ARHGAP15: variants seen among roughly 807,000 people sequenced by gnomAD.
ARHGAP15 encodes Rho GTPase activating protein 15.
ARHGAP15 carries 51 observed loss-of-function variants against 63.7 expected under a neutral mutation model. That is an observed-to-expected ratio of 0.80 (90% CI 0.64 to 1.01). ARHGAP15 has a LOEUF of 1.01. Among genes scored for constraint, ARHGAP15 ranks in the 50% least tolerant of loss-of-function variants. The pLI is 0.00. For missense variants in ARHGAP15, 560 were observed against 564.6 expected (o/e 0.99, Z 0.08); for synonymous variants, 191 against 193.8 (o/e 0.99, Z 0.12).
At chr2:143,343,869 T>A (rs1685162549) in intron 6 of ARHGAP15, among the ~76,000 whole-genome samples, 1 of 152,122 alleles carries the variant, frequency 6.6e-6, no homozygotes, top group South Asian at 2.1e-4. Flanking sequence ...AATCTTTAAC[T>A]GTCTTAAACA....
At chr2:143,208,184 G>A (rs920363026) in intron 3 of ARHGAP15, among the ~76,000 whole-genome samples, 1 of 152,002 alleles carries the variant, frequency 6.6e-6, no homozygotes, top group African/African-American at 2.4e-5. Context: ...TAAAATGTTG[G>A]GATATATAAA....
chr2:143,260,951 T>A (rs1352937106), intron 6 of ARHGAP15, among the ~76,000 whole-genome samples: 2 of 152,142 alleles, frequency 1.3e-5, no homozygotes, highest in East Asian at 3.9e-4. Context: ...TATATCCCTG[T>A]CTCTTTCATC....
At chr2:143,662,913 T>C (rs2105328137) in intron 12 of ARHGAP15, among the ~76,000 whole-genome samples, 2 of 144,820 alleles carry the variant, frequency 1.4e-5, no homozygotes, top group Middle Eastern at 3.5e-3. Flanking sequence ...TATGGGACTA[T>C]GTGAAAAGAC....
chr2:143,643,271 T>C (rs758101503), intron 12 of ARHGAP15, among the ~76,000 whole-genome samples: 28 of 152,052 alleles, frequency 1.8e-4, no homozygotes, highest in South Asian at 4.1e-4. Context: ...AAATATAACC[T>C]TGGGCAAGTG....
At chr2:143,222,238 C>T (rs1035249615) in intron 4 of ARHGAP15, among the ~76,000 whole-genome samples, 5 of 152,140 alleles carry the variant, frequency 3.3e-5, no homozygotes, top group African/African-American at 4.8e-5. Context: ...AGTGATTTTG[C>T]GGTAAATCAA....
chr2:143,548,351 T>C (rs1326463872), intron 10 of ARHGAP15, among the ~76,000 whole-genome samples: 1 of 152,084 alleles, frequency 6.6e-6, no homozygotes, highest in Non-Finnish European at 1.5e-5. Flanking sequence ...CTTCTTAGTA[T>C]ATATGTATAT....
At chr2:143,603,378 C>T (rs1240595788) in intron 11 of ARHGAP15, among the ~76,000 whole-genome samples, 1 of 152,140 alleles carries the variant, frequency 6.6e-6, no homozygotes, top group Non-Finnish European at 1.5e-5. Context: ...TGTTGTCATG[C>T]TCGTGGGAAG....
chr2:143,174,583 T>C (rs1690936157), intron 2 of ARHGAP15, among the ~76,000 whole-genome samples: 1 of 152,182 alleles, frequency 6.6e-6, no homozygotes, highest in Non-Finnish European at 1.5e-5. Flanking sequence ...TGTGTGCCTA[T>C]AGGTTATTTC....
At chr2:143,162,714 A>T (rs1197082115) in intron 2 of ARHGAP15, among the ~76,000 whole-genome samples, 2 of 152,066 alleles carry the variant, frequency 1.3e-5, no homozygotes, top group Non-Finnish European at 2.9e-5. Flanking sequence ...AATTCTTATA[A>T]TACTCTTCAC....
intron 13 of ARHGAP15, among the ~76,000 whole-genome samples, chr2:143,742,524 C>T (rs1294738197): frequency 2.6e-5 from 4 of 152,164 alleles, no homozygotes; most frequent in Non-Finnish European, 1.5e-5. Flanking sequence ...ACAAATGTCT[C>T]CCTCTTATGT....
chr2:143,751,279 G>A (rs933247803), intron 13 of ARHGAP15, among the ~76,000 whole-genome samples: 10 of 152,182 alleles, frequency 6.6e-5, no homozygotes, highest in African/African-American at 1.9e-4. Context: ...GTCATTGGCC[G>A]TGGGCTGTCT....
intron 5 of ARHGAP15, among the ~76,000 whole-genome samples, chr2:143,248,769 C>A (rs555756581): frequency 6.6e-5 from 10 of 152,312 alleles, no homozygotes; most frequent in Middle Eastern, 3.4e-3. Flanking sequence ...CCTTAGACTT[C>A]TGTATAATTG....
intron 6 of ARHGAP15, chr2:143,314,575 T>C (rs533121004): frequency 6.6e-6 from 1 of 152,190 alleles, no homozygotes; most frequent in Non-Finnish European, 1.5e-5. Flanking sequence ...AATAAGATGC[T>C]CAAAGATAAA....
intron 8 of ARHGAP15, among the ~76,000 whole-genome samples, chr2:143,470,366 A>C (rs1691458509): frequency 6.6e-6 from 1 of 151,296 alleles, no homozygotes; most frequent in African/African-American, 2.4e-5. Context: ...TCAAACTGTC[A>C]TTTAGTGATA....
At chr2:143,672,941 TAG>T (rs1289123728) in intron 12 of ARHGAP15, among the ~76,000 whole-genome samples, 1 of 152,178 alleles carries the variant, frequency 6.6e-6, no homozygotes, top group Non-Finnish European at 1.5e-5. Flanking sequence ...CTCTCCATAA[TAG>T]AGTGTCTGCT....
At chr2:143,391,662 T>A (rs1438847676) in intron 6 of ARHGAP15, among the ~76,000 whole-genome samples, 1 of 152,204 alleles carries the variant, frequency 6.6e-6, no homozygotes, top group Non-Finnish European at 1.5e-5. Flanking sequence ...CTCTTGACTC[T>A]GTGGCTGTCA....
chr2:143,569,755 G>A (rs939198136), intron 11 of ARHGAP15, among the ~76,000 whole-genome samples: 1 of 152,194 alleles, frequency 6.6e-6, no homozygotes, highest in African/African-American at 2.4e-5. Flanking sequence ...AGAGAAGAAT[G>A]AATTGTAGGG....
At chr2:143,313,130 A>ATT (rs1558884823) in intron 6 of ARHGAP15, among the ~76,000 whole-genome samples, 1 of 152,180 alleles carries the variant, frequency 6.6e-6, no homozygotes, top group Non-Finnish European at 1.5e-5. Flanking sequence ...GGAGAGTTAA[A>ATT]AAAGAAAAAT....
intron 11 of ARHGAP15, among the ~76,000 whole-genome samples, chr2:143,590,713 T>A (rs990707277): frequency 1.2e-4 from 19 of 152,324 alleles, no homozygotes; most frequent in Middle Eastern, 3.4e-3. Context: ...GACTACAAGA[T>A]ACTTGAAGGC....
Sources: allele counts gnomAD v4.1 joint callset (sites outside exome capture counted in the v4.1 genomes callset), GRCh38; gene constraint gnomAD v4.1.1; transcripts MANE v1.5; gene names NCBI Gene and HGNC (gene_info 2026-07-23, HGNC 2026-07-21).